The following HELLS variants were observed in gnomAD, a reference collection of about 807,000 sequenced individuals.
The protein encoded by HELLS is lymphoid-specific helicase.
HELLS carries 32 observed loss-of-function variants against 120.0 expected under a neutral mutation model. That is an observed-to-expected ratio of 0.27 (90% confidence interval 0.20 to 0.36). The LOEUF (loss-of-function observed/expected upper bound fraction) is 0.36. Among genes scored for constraint, HELLS ranks in the 10% least tolerant of loss-of-function variants. The pLI is 1.00. For synonymous variants in HELLS, 341 were observed against 323.4 expected (o/e 1.05, Z -0.58); for missense variants, 650 against 993.4 (o/e 0.65, Z 4.65).
intron 4 of HELLS, among the ~76,000 whole-genome samples, chr10:94,559,845 C>T (rs776817312): frequency 2.6e-5 from 4 of 152,146 alleles, no homozygotes; most frequent in Non-Finnish European, 5.9e-5. Flanking sequence ...TTGAAAATGT[C>T]ATAACCAGAG....
At chr10:94,596,578 T>C (rs1040992329) in intron 19 of HELLS, among the ~76,000 whole-genome samples, 1 of 152,030 alleles carries the variant, frequency 6.6e-6, no homozygotes, top group Non-Finnish European at 1.5e-5. Context: ...TTATTATGAA[T>C]AAGTTGGTCC....
intron 2 of HELLS, among the ~76,000 whole-genome samples, chr10:94,549,114 A>AT (rs1271373749): frequency 6.6e-6 from 1 of 152,110 alleles, no homozygotes; most frequent in Non-Finnish European, 1.5e-5. Context: ...GTTTTTGATT[A>AT]TTTTTTGCAC....
At chr10:94,585,794 T>G (rs1845114050) in intron 12 of HELLS, among the ~76,000 whole-genome samples, 1 of 151,788 alleles carries the variant, frequency 6.6e-6, no homozygotes, top group Non-Finnish European at 1.5e-5. Context: ...CTCCAACTCA[T>G]ACTCCTGGGT....
chr10:94,587,990 T>A (rs1170351205), intron 12 of HELLS, among the ~76,000 whole-genome samples: 1 of 152,214 alleles, frequency 6.6e-6, no homozygotes, highest in Non-Finnish European at 1.5e-5. Context: ...ACTTTTAAAA[T>A]TATTTGAGAT....
At chr10:94,555,514 C>A (rs141068501) in intron 3 of HELLS, among the ~76,000 whole-genome samples, 1 of 152,342 alleles carries the variant, frequency 6.6e-6, no homozygotes, top group African/African-American at 2.4e-5. Flanking sequence ...CATGGAGGTT[C>A]CTGGAGAGGA....
In HELLS at chr10:94,601,574, C is replaced by T; in HGVS notation, c.2469C>T (p.Phe823=). The T allele has an allele frequency of 6.3e-7, 1 of 1,587,110 alleles. No homozygotes were observed. The highest frequency in any genetic ancestry group is 8.6e-7 in the Non-Finnish European group (1 of 1,160,794). Residue 823 remains phenylalanine, a synonymous_variant, in exon 22 of 22, where the codon TTC becomes TTT. Coordinates refer to ENST00000348459, the MANE Select transcript of HELLS (RefSeq NM_018063.5). ...SGPIKEKMGI[F]KILENSEDSS... ...CAATTAAAGAGAAGATGGGGATATT[C>T]AAGATATTAGAAAATTCTGAAGATT...
intron 13 of HELLS, among the ~76,000 whole-genome samples, chr10:94,589,419 T>A (rs936623522): frequency 2.0e-5 from 3 of 152,214 alleles, no homozygotes; most frequent in African/African-American, 7.2e-5. Context: ...GTTAGGGATG[T>A]TCTACCTGTA....
chr10:94,558,783 A>G (rs1305261237), intron 4 of HELLS, among the ~76,000 whole-genome samples: 14 of 152,092 alleles, frequency 9.2e-5, no homozygotes, highest in Admixed American at 8.5e-4. Context: ...TTGTATTTTC[A>G]GTAGAGACAG....
At position 94,575,762 on chromosome 10, in the gene HELLS, GGGTTGTGT is replaced by G. The variant is rs1322012654; in HGVS notation, c.889-899_889-892del. On this transcript the variant is annotated intron_variant, in intron 9 of 21. Transcript: ENST00000348459. ...ATTTGTAGGTTTTTTGTTGGGGGGG[GGGTTGTGT>G]TTGTGTGTGTGTGTGTGTGTGTGTG... Among the ~76,000 whole-genome samples, 887 of 122,100 alleles carry G rather than the reference GGGTTGTGT, an allele frequency of 7.3e-3. 16 individuals are homozygous for G. The highest frequency in any genetic ancestry group is 0.025 in the African/African-American group (775 of 31,278). The allele number at this position is 122,100 out of a possible 152,430, so 80.1% of individuals were successfully genotyped here. A position where few individuals can be genotyped will look rare whatever the true frequency, so the allele number is the denominator to read the frequency against.
At chr10:94,588,875 G>A (rs935455498) in intron 13 of HELLS, among the ~76,000 whole-genome samples, 2 of 152,124 alleles carry the variant, frequency 1.3e-5, no homozygotes, top group African/African-American at 4.8e-5. Context: ...GGCCAGGCAC[G>A]GTGGCTCATG....
At chr10:94,575,853 A>C (rs1315254125) in intron 9 of HELLS, among the ~76,000 whole-genome samples, 2 of 150,274 alleles carry the variant, frequency 1.3e-5, no homozygotes, top group Non-Finnish European at 2.9e-5. Flanking sequence ...GCTGGAGTGC[A>C]ATGGCACGAT....
At chr10:94,561,515 G>C (rs1240729745) in intron 4 of HELLS, among the ~76,000 whole-genome samples, 1 of 152,064 alleles carries the variant, frequency 6.6e-6, no homozygotes, top group African/African-American at 2.4e-5. Flanking sequence ...GCCCAGGCTA[G>C]AGTCCAGTAG....
chr10:94,550,292 G>A (rs1415224885), intron 2 of HELLS, among the ~76,000 whole-genome samples: 1 of 150,886 alleles, frequency 6.6e-6, no homozygotes, highest in African/African-American at 2.4e-5. Flanking sequence ...TTGTTTGTTT[G>A]TTTTGAGACG....
At chr10:94,612,915 GTC>G (rs1399958651) in exon 10 of HELLS, 2 of 152,150 alleles carry the variant, frequency 1.3e-5, no homozygotes, top group African/African-American at 4.8e-5. Context: ...CAGTGAGACT[GTC>G]TCAAAAAATA....
At chr10:94,559,751 A>C (rs1843457314) in intron 4 of HELLS, among the ~76,000 whole-genome samples, 1 of 151,986 alleles carries the variant, frequency 6.6e-6, no homozygotes, top group Admixed American at 6.6e-5. Flanking sequence ...GCTGGCCCTG[A>C]GTTCAATATT....
In HELLS at chr10:94,597,237, C is replaced by T. The variant is rs936647489; in HGVS notation, c.2422+126C>T. ...ATCTTGTTTTATTGTCATTTTTCTT[C>T]TTAGAGTATTAAAATCAAATCTCAG... On this transcript the variant is annotated intron_variant, in intron 21 of 21. Transcript: ENST00000348459. The T allele has an allele frequency of 3.6e-4, 196 of 546,910 alleles. No homozygotes were observed. In the East Asian group the frequency reaches 5.9e-3, roughly 17 times the overall value. 33.9% of individuals were successfully genotyped at this position (546,910 alleles called of 1,614,324 possible). A position where few individuals can be genotyped will look rare whatever the true frequency, so the allele number is the denominator to read the frequency against.
chr10:94,545,869 G>A lies in HELLS; in HGVS notation c.-53G>A, dbSNP rs1842721502. 2 of 1,544,764 alleles carry A rather than the reference G, an allele frequency of 1.3e-6. No individual in the cohort carries two copies. The highest frequency in any genetic ancestry group is 1.4e-5 in the African/African-American group (1 of 72,942). On this transcript the variant is annotated 5_prime_UTR_variant, in exon 1 of 22. Coordinates refer to ENST00000348459, the MANE Select transcript of HELLS (RefSeq NM_018063.5). ...CAGCGGTTGTGAGGAGTTAGCTCGC[G>A]GCATTGCAGGCTCTGAGAGGAGGGG...
chr10:94,575,139 A>G (rs11188026), intron 9 of HELLS, among the ~76,000 whole-genome samples: 55,132 of 130,770 alleles, frequency 0.42, 10,944 homozygotes, highest in East Asian at 0.7. Context: ...AGTCTCTGTT[A>G]CCCAGGCTGG....
intron 13 of HELLS, among the ~76,000 whole-genome samples, chr10:94,589,587 T>A (rs1219290545): frequency 6.6e-6 from 1 of 152,204 alleles, no homozygotes; most frequent in Non-Finnish European, 1.5e-5. Flanking sequence ...CCAGGTTTTT[T>A]ATTGTACACT....
Sources: allele counts gnomAD v4.1 joint callset (sites outside exome capture counted in the v4.1 genomes callset), GRCh38; gene constraint gnomAD v4.1.1; transcripts MANE v1.5; gene names NCBI Gene and HGNC (gene_info 2026-07-23, HGNC 2026-07-21).